TRERF1: variants seen among roughly 807,000 people sequenced by gnomAD.
TRERF1 encodes transcriptional-regulating factor 1.
In TRERF1, 27 loss-of-function variants were observed where a neutral mutation model predicts 122.9. That is an observed-to-expected ratio of 0.22 (90% CI 0.16 to 0.30). The LOEUF (loss-of-function observed/expected upper bound fraction) is 0.30, where lower values mean the gene tolerates loss of function less well. Among genes scored for constraint, TRERF1 ranks in the 10% least tolerant of loss-of-function variants. The pLI is 1.00. For missense variants in TRERF1, 1,248 were observed against 1,560.3 expected (o/e 0.80, Z 3.37); for synonymous variants, 636 against 641.7 (o/e 0.99, Z 0.13).
chr6:42,288,297 C>T (rs990758520), intron 4 of TRERF1, among the ~76,000 whole-genome samples: 7 of 151,942 alleles, frequency 4.6e-5, no homozygotes, highest in East Asian at 1.9e-4. Flanking sequence ...GGCCGGGCAC[C>T]GTGGCTTACT....
At chr6:42,328,484 C>T (rs139628672) in intron 3 of TRERF1, among the ~76,000 whole-genome samples, 3 of 152,226 alleles carry the variant, frequency 2.0e-5, no homozygotes, top group South Asian at 2.1e-4. Flanking sequence ...TTTTCTGCTC[C>T]TCTCCCTCCT....
At position 42,228,257 on chromosome 6, in the gene TRERF1, G is replaced by A; in HGVS notation, c.*88C>T. ...CTTTTAAAACAGGTAGTTTAAAAGG[G>A]TTACAAAACAAGCAGGCAGTCCAGG... On this transcript the variant is annotated 3_prime_UTR_variant, in exon 18 of 18. Transcript: ENST00000372922. This position sits in a 1 kb window ranked among gnomAD's most constrained non-coding sequence, Gnocchi z 4.2. The A allele has an allele frequency of 8.4e-7, 1 of 1,196,234 alleles. No homozygotes were observed. Among genetic ancestry groups the A allele is most frequent in the South Asian group, 1.7e-5 (1 of 58,940 alleles). The allele number at this position is 1,196,234 out of a possible 1,614,324, so 74.1% of individuals were successfully genotyped here.
intron 2 of TRERF1, among the ~76,000 whole-genome samples, chr6:42,435,757 C>T (rs767532184): frequency 1.3e-5 from 2 of 151,560 alleles, no homozygotes; most frequent in Non-Finnish European, 2.9e-5. Context: ...GGGCAGATCA[C>T]GAGGTCAAGA....
chr6:42,320,151 G>A (rs893879022), intron 3 of TRERF1, among the ~76,000 whole-genome samples: 4 of 151,950 alleles, frequency 2.6e-5, no homozygotes, highest in Non-Finnish European at 4.4e-5. Flanking sequence ...TCCACCTGGC[G>A]GCCTCCCAAA....
At chr6:42,396,489 G>A (rs1305898865) in intron 2 of TRERF1, among the ~76,000 whole-genome samples, 1 of 152,150 alleles carries the variant, frequency 6.6e-6, no homozygotes, top group Non-Finnish European at 1.5e-5. Context: ...AAATGATAGA[G>A]AATAATAAAT....
intron 14 of TRERF1, among the ~76,000 whole-genome samples, chr6:42,244,237 T>G (rs930039749): frequency 6.6e-6 from 1 of 151,594 alleles, no homozygotes; most frequent in Non-Finnish European, 1.5e-5. Flanking sequence ...CAGGCTGGAG[T>G]GCAATGGCAC....
chr6:42,440,997 C>T (rs1007595394), intron 2 of TRERF1, among the ~76,000 whole-genome samples: 4 of 152,108 alleles, frequency 2.6e-5, no homozygotes, highest in Non-Finnish European at 4.4e-5. Flanking sequence ...AATGATTTCC[C>T]GGTTGCATTT....
chr6:42,385,871 A>G (rs1037714510), intron 2 of TRERF1, among the ~76,000 whole-genome samples: 11 of 152,248 alleles, frequency 7.2e-5, no homozygotes, highest in African/African-American at 2.7e-4. Flanking sequence ...ATATGCTATC[A>G]TTCTTACCTG....
chr6:42,255,038 G>T, intron 12 of TRERF1, 112 bp from the exon 13 acceptor site: 2 of 1,063,962 alleles, frequency 1.9e-6, no homozygotes, highest in Non-Finnish European at 2.9e-6. Context: ...TCAGGGGCGG[G>T]GGCACTGGAA....
chr6:42,404,860 T>C (rs1394851402), intron 2 of TRERF1, among the ~76,000 whole-genome samples: 2 of 152,298 alleles, frequency 1.3e-5, no homozygotes, highest in African/African-American at 4.8e-5. Flanking sequence ...CAGTTCTCAT[T>C]TGCAGGACTA....
chr6:42,434,859 G>A (rs1785052483), intron 2 of TRERF1, among the ~76,000 whole-genome samples: 2 of 152,140 alleles, frequency 1.3e-5, no homozygotes, highest in Admixed American at 1.3e-4. Context: ...CGGGTGTGGT[G>A]GCTCATGCTT....
chr6:42,447,919 G>C (rs1283163356), intron 2 of TRERF1, among the ~76,000 whole-genome samples: 1 of 152,052 alleles, frequency 6.6e-6, no homozygotes, highest in African/African-American at 2.4e-5. Context: ...GGCCAGGCTG[G>C]TCTTGAACTC....
intron 3 of TRERF1, among the ~76,000 whole-genome samples, chr6:42,310,527 T>C (rs996212404): frequency 4.6e-5 from 7 of 152,208 alleles, no homozygotes; most frequent in African/African-American, 1.7e-4. Context: ...TCCAGAGACA[T>C]TGTTGGTTGT....
chr6:42,358,133 C>T (rs1162943564), intron 3 of TRERF1, among the ~76,000 whole-genome samples: 1 of 152,110 alleles, frequency 6.6e-6, no homozygotes, highest in East Asian at 1.9e-4. Flanking sequence ...CAGAGGCATA[C>T]CATACAACTG....
At chr6:42,287,292 T>TA (rs1187993828) in intron 4 of TRERF1, among the ~76,000 whole-genome samples, 11,830 of 124,312 alleles carry the variant, frequency 0.095, 545 homozygotes, top group African/African-American at 0.15. Context: ...TAAAGTATAA[T>TA]AAAAAAAAAA....
intron 4 of TRERF1, among the ~76,000 whole-genome samples, chr6:42,285,424 G>A (rs1280973823): frequency 6.6e-6 from 1 of 152,042 alleles, no homozygotes; most frequent in Non-Finnish European, 1.5e-5. Flanking sequence ...CATGTCGTCT[G>A]CAAACAGGGA....
At chr6:42,326,932 C>T (rs1325374796) in intron 3 of TRERF1, among the ~76,000 whole-genome samples, 6 of 152,166 alleles carry the variant, frequency 3.9e-5, no homozygotes, top group Admixed American at 6.5e-5. Context: ...TCCAATCATA[C>T]GGGACTGTTG....
At chr6:42,323,108 G>T (rs1329176554) in intron 3 of TRERF1, among the ~76,000 whole-genome samples, 1 of 151,590 alleles carries the variant, frequency 6.6e-6, no homozygotes, top group African/African-American at 2.4e-5. Context: ...TTGTCTAAGA[G>T]TGGTAAATAC....
intron 3 of TRERF1, among the ~76,000 whole-genome samples, chr6:42,318,240 A>G (rs944560666): frequency 2.0e-5 from 3 of 152,176 alleles, no homozygotes; most frequent in Admixed American, 6.5e-5. Context: ...AGAGGTCCAT[A>G]TTCTCCAAGG....
Sources: allele counts gnomAD v4.1 joint callset (sites outside exome capture counted in the v4.1 genomes callset), GRCh38; gene constraint gnomAD v4.1.1; non-coding constraint Gnocchi (gnomAD v3.1); transcripts MANE v1.5; gene names NCBI Gene and HGNC (gene_info 2026-07-23, HGNC 2026-07-21).